TFB1M: variants seen among roughly 807,000 people sequenced by gnomAD.
The protein encoded by TFB1M is transcription factor B1, mitochondrial.
A neutral mutation model predicts 31.1 loss-of-function variants in TFB1M; 27 were observed. The observed-to-expected ratio is 0.87, with a 90% confidence interval of 0.64 to 1.20. TFB1M has a LOEUF of 1.20. TFB1M is among the 50% of genes most tolerant of loss of function. The probability of loss-of-function intolerance (pLI) is 0.00; values close to 1 mark genes in which losing one functional copy is unlikely to be tolerated. For missense variants in TFB1M, 394 were observed against 418.7 expected, an observed-to-expected ratio of 0.94 and a Z score of 0.51; for synonymous variants, 166 against 151.8, an observed-to-expected ratio of 1.09 and a Z score of -0.69.
chr6:155,300,325 A>T (rs1205100966), intron 2 of TFB1M, among the ~76,000 whole-genome samples: 1 of 152,222 alleles, frequency 6.6e-6, no homozygotes, highest in Admixed American at 6.5e-5. Flanking sequence ...CTCTGATACT[A>T]ATGTACTTAT....
chr6:155,244,648 C>A, the TFB1M span: 115 of 1,613,226 alleles, frequency 7.1e-5, no homozygotes, highest in East Asian at 2.5e-3. Flanking sequence ...AAATCCTGAT[C>A]TTCACATAGA....
rs576564215 is a variant in TFB1M at position 155,272,547 on chromosome 6, A to C, written c.667-12147T>G. Among the ~76,000 whole-genome samples the C allele has an allele frequency of 7.2e-5, 11 of 152,038 alleles. No homozygotes were observed. The South Asian group carries it at 2.3e-3, about 32-fold the overall frequency. Reference sequence around the variant, plus strand: ...CACCACCACCACAGCTGCTGGAACAAAGTGTGCCTTTATTCTCTACGAGAT... The same window carrying C: ...CACCACCACCACAGCTGCTGGAACACAGTGTGCCTTTATTCTCTACGAGAT... On this transcript the variant is annotated intron_variant, in intron 5 of 6. Coordinates refer to ENST00000367166, the MANE Select transcript of TFB1M (RefSeq NM_016020.4).
chr6:155,298,074 C>T (rs1405581841), intron 3 of TFB1M, among the ~76,000 whole-genome samples: 3 of 152,190 alleles, frequency 2.0e-5, no homozygotes, highest in Non-Finnish European at 4.4e-5. Flanking sequence ...TGAAGACTGC[C>T]TTGGTTGGTC....
intron 5 of TFB1M, among the ~76,000 whole-genome samples, chr6:155,274,778 G>A (rs1355002581): frequency 1.3e-5 from 2 of 152,218 alleles, no homozygotes; most frequent in Admixed American, 6.5e-5. Context: ...CTTGGGCTAT[G>A]TGCCTGGCAC....
At chr6:155,294,146 C>A (rs1239324667) in intron 4 of TFB1M, among the ~76,000 whole-genome samples, 1 of 151,866 alleles carries the variant, frequency 6.6e-6, no homozygotes, top group African/African-American at 2.4e-5. Context: ...TTAGTTGGGA[C>A]CCATATGTTA....
rs1238199636 is a variant in TFB1M at position 155,311,086 on chromosome 6, A to G, written c.285+102T>C. The G allele has an allele frequency of 1.1e-5, 15 of 1,351,318 alleles. No individual in the cohort carries two copies. In the African/African-American group the frequency reaches 1.3e-4, roughly 12 times the overall value. 83.7% of individuals were successfully genotyped at this position (1,351,318 alleles called of 1,614,324 possible). ...GGGCCTTGGGGATCTATAGTTGAGG[A>G]AAAACCTACATAATCTTTGGATACC... is the stretch of plus-strand genomic sequence containing the variant. On this transcript the variant is annotated intron_variant, in intron 2 of 6. Coordinates refer to ENST00000367166, the MANE Select transcript of TFB1M (RefSeq NM_016020.4).
the TFB1M span, among the ~76,000 whole-genome samples, chr6:155,233,729 T>A: frequency 6.6e-6 from 1 of 151,932 alleles, no homozygotes; most frequent in Non-Finnish European, 1.5e-5. Context: ...AGCAGTTTGG[T>A]GGGAGGATCG....
the TFB1M span, among the ~76,000 whole-genome samples, chr6:155,246,257 C>T: frequency 6.6e-6 from 1 of 152,094 alleles, no homozygotes; most frequent in Admixed American, 6.5e-5. Flanking sequence ...GGAGGTTTAT[C>T]CTGACGCCCT....
chr6:155,273,603 C>T (rs893995245), intron 5 of TFB1M, among the ~76,000 whole-genome samples: 6 of 152,200 alleles, frequency 3.9e-5, no homozygotes, highest in Admixed American at 3.3e-4. Flanking sequence ...GTTAATGGTG[C>T]TTTTTGCCTC....
intron 4 of TFB1M, among the ~76,000 whole-genome samples, chr6:155,286,162 T>G (rs905017292): frequency 6.6e-6 from 1 of 152,110 alleles, no homozygotes; most frequent in Non-Finnish European, 1.5e-5. Context: ...GATCATTCGG[T>G]AAGTGACACC....
intron 2 of TFB1M, among the ~76,000 whole-genome samples, chr6:155,302,907 A>G (rs188990891): frequency 1.3e-5 from 2 of 152,308 alleles, no homozygotes; most frequent in East Asian, 3.9e-4. Context: ...GGAAGTAAAC[A>G]CGTCCTTCTT....
chr6:155,244,887 T>C, the TFB1M span: 4 of 1,354,380 alleles, frequency 3.0e-6, no homozygotes, highest in East Asian at 7.2e-5. Flanking sequence ...CCTGTGACTA[T>C]TGACTATTTA....
chr6:155,304,494 TTTCAGACA>T (rs1777578962), intron 2 of TFB1M, among the ~76,000 whole-genome samples: 2 of 151,982 alleles, frequency 1.3e-5, no homozygotes, highest in African/African-American at 4.8e-5. Flanking sequence ...GAAACAAAAT[TTTCAGACA>T]TTAGACAACA....
In TFB1M at chr6:155,256,460, C is replaced by A. The variant is rs200250900; in HGVS notation, c.*1376G>T. On this transcript the variant is annotated 3_prime_UTR_variant, in exon 7 of 7. Coordinates refer to ENST00000367166, the MANE Select transcript of TFB1M (RefSeq NM_016020.4). ...TGTGTAACCTGTTTCTGTATCACAG[C>A]GAAATGTGTTTTTCTCACTGTAGCT... 1 of 1,613,862 alleles carries A rather than the reference C, an allele frequency of 6.2e-7. No individual in the cohort carries two copies. The highest frequency in any genetic ancestry group is 1.7e-5 in the Admixed American group (1 of 60,014).
At chr6:155,233,946 G>C in the TFB1M span, among the ~76,000 whole-genome samples, 5 of 149,924 alleles carry the variant, frequency 3.3e-5, no homozygotes, top group Non-Finnish European at 5.9e-5. Flanking sequence ...CTGGGTGGCA[G>C]AGTGAGACCC....
chr6:155,233,273 A>G, the TFB1M span, among the ~76,000 whole-genome samples: 5 of 152,230 alleles, frequency 3.3e-5, no homozygotes, highest in Non-Finnish European at 5.9e-5. Flanking sequence ...ACAAAAGAGA[A>G]TATCAAAGTT....
At chr6:155,235,183 A>G in the TFB1M span, among the ~76,000 whole-genome samples, 1 of 152,238 alleles carries the variant, frequency 6.6e-6, no homozygotes, top group Non-Finnish European at 1.5e-5. Context: ...GTTCTGTGAG[A>G]AACCTCCCAA....
In TFB1M at chr6:155,256,948, GAC is replaced by G; in HGVS notation, c.*886_*887del. ...ACGAAAAGCCAACAGCACCAAGAGG[GAC>G]AGAGGAACTTTGCTCAAGGCGCAGA... On this transcript the variant is annotated 3_prime_UTR_variant, in exon 7 of 7. Transcript: ENST00000367166. 6.2e-7 allele frequency: 1 copy of G among 1,614,138 alleles called. No individual in the cohort carries two copies. Among genetic ancestry groups the G allele is most frequent in the Non-Finnish European group, 8.5e-7 (1 of 1,180,022 alleles).
chr6:155,265,598 T>G (rs1474149681), intron 5 of TFB1M, among the ~76,000 whole-genome samples: 1 of 151,146 alleles, frequency 6.6e-6, no homozygotes, highest in Non-Finnish European at 1.5e-5. Context: ...ACTGTCATTA[T>G]TTTCAAGATT....
Sources: gnomAD v4.1 joint callset for allele counts (sites outside exome capture counted in the v4.1 genomes callset) on GRCh38, gnomAD v4.1.1 for gene constraint, MANE v1.5 for transcripts, NCBI Gene and HGNC (gene_info 2026-07-23, HGNC 2026-07-21) for gene names.